The following PLCH2 variants were observed in gnomAD, a reference collection of about 807,000 sequenced individuals.
PLCH2 encodes phospholipase C eta 2, also known as 1-phosphatidylinositol 4,5-bisphosphate phosphodiesterase eta-2.
In PLCH2, 98 loss-of-function variants were observed where a neutral mutation model predicts 134.7. That is an observed-to-expected ratio of 0.73 (90% confidence interval 0.62 to 0.86). The LOEUF is 0.86. Ranked by LOEUF, PLCH2 falls within the 40% of genes least tolerant of loss-of-function variation. The pLI is 0.00. For synonymous variants in PLCH2, 974 were observed against 827.5 expected (o/e 1.18, Z -3.04); for missense variants, 1,994 against 1,986.6 (o/e 1.00, Z -0.07).
upstream of PLCH2, among the ~76,000 whole-genome samples, chr1:2,472,807 C>G (rs78762854): frequency 4.1e-4 from 63 of 152,264 alleles, no homozygotes; most frequent in Non-Finnish European, 8.4e-4. Context: ...CTGCCCGTCC[C>G]GTACACGCTC....
upstream of PLCH2, among the ~76,000 whole-genome samples, chr1:2,474,957 T>C (rs1641535427): frequency 6.6e-6 from 1 of 152,020 alleles, no homozygotes; most frequent in Non-Finnish European, 1.5e-5. Context: ...CTCCAGCCCC[T>C]CTCCTCTCCC....
chr1:2,484,409 G>T, intron 4 of PLCH2, 39 bp from the exon 5 acceptor site: 2 of 1,607,980 alleles, frequency 1.2e-6, no homozygotes, highest in South Asian at 2.2e-5. Flanking sequence ...GCAGGCCCTG[G>T]TCGAGGTGCC....
At chr1:2,469,725 C>T (rs976948688) in intron 1 of PLCH2, among the ~76,000 whole-genome samples, 14 of 152,150 alleles carry the variant, frequency 9.2e-5, no homozygotes, top group East Asian at 1.9e-4. Context: ...GCACTGCATA[C>T]GTGGGCTCCC....
intron 2 of PLCH2, among the ~76,000 whole-genome samples, chr1:2,436,221 GCCTCCTCCTTTCCTCCTTCCTC>G (rs1639347277): frequency 1.7e-5 from 1 of 57,360 alleles, no homozygotes; most frequent in Non-Finnish European, 3.2e-5. Flanking sequence ...CTTCCTTCCT[GCCTCCTCCTTTCCTCCTTCCTC>G]CCTCCTCCCC....
At chr1:2,501,993 C>G in intron 20 of PLCH2, 119 bp from the exon 21 acceptor site, 1 of 945,358 alleles carries the variant, frequency 1.1e-6, no homozygotes, top group Non-Finnish European at 1.5e-6. Flanking sequence ...TGGCCCAGCC[C>G]CTCGGACCGA....
chr1:2,495,079 C>T (rs1024570766), intron 12 of PLCH2, 131 bp downstream of exon 12: 37 of 667,802 alleles, frequency 5.5e-5, no homozygotes, highest in Non-Finnish European at 8.5e-5. Flanking sequence ...GGCCCTGCCC[C>T]AGCCAGAGCA....
chr1:2,499,797 C>T (rs1643116566), intron 20 of PLCH2, 77 bp downstream of exon 20: 1 of 1,157,518 alleles, frequency 8.6e-7, no homozygotes, highest in Admixed American at 2.0e-5. Flanking sequence ...CCCCATGTGT[C>T]CCCAGTGCTG....
intron 2 of PLCH2, among the ~76,000 whole-genome samples, chr1:2,457,948 C>T (rs887239609): frequency 5.3e-5 from 8 of 150,924 alleles, no homozygotes; most frequent in African/African-American, 2.0e-4. Context: ...GTCCACCGGG[C>T]GGGTGGTAGG....
upstream of PLCH2, among the ~76,000 whole-genome samples, chr1:2,423,444 A>G (rs1019265767): frequency 4.6e-5 from 7 of 152,298 alleles, no homozygotes; most frequent in Admixed American, 6.5e-5. Flanking sequence ...ACAGTAACCA[A>G]CCGATACACG....
rs1642496929 is a variant in PLCH2 at position 2,490,184 on chromosome 1, AGACT to A, written c.1515+318_1515+321del. 4.6e-5 allele frequency among the ~76,000 whole-genome samples: 7 copies of A among 152,210 alleles called. No individual in the cohort carries two copies. The South Asian group carries it at 1.4e-3, about 32-fold the overall frequency. ...AGCACTGGGGGCTGGGTCCCACGCC[AGACT>A]CCACCCCATTCCCACCAGCACCTGG... On this transcript the variant is annotated intron_variant, in intron 10 of 21. Coordinates refer to ENST00000378486, the MANE Select transcript of PLCH2 (RefSeq NM_014638.4).
At chr1:2,497,283 G>A (rs1216610524) in intron 15 of PLCH2, among the ~76,000 whole-genome samples, 2 of 152,274 alleles carry the variant, frequency 1.3e-5, no homozygotes, top group South Asian at 2.1e-4. Flanking sequence ...CTGCCTGCGA[G>A]GCTGGCTGCG....
At position 2,504,555 on chromosome 1, in the gene PLCH2, C is replaced by T. The variant is rs1349638271; in HGVS notation, c.3593C>T (p.Thr1198Ile). 2 of 1,612,718 alleles carry T rather than the reference C, an allele frequency of 1.2e-6. No individual in the cohort carries two copies. The highest frequency in any genetic ancestry group is 1.1e-5 in the South Asian group (1 of 91,086). The change falls in exon 22 of 22, where the codon ACC becomes ATC. Residue 1198 changes from threonine (T) to isoleucine (I), a missense_variant. Thr to Ile is a moderately conservative substitution (Grantham distance 89). This residue lies in a region of PLCH2 where 900 missense variants were observed against 752.3 expected (regional missense o/e 1.20). Coordinates refer to ENST00000378486, the MANE Select transcript of PLCH2 (RefSeq NM_014638.4). Reference protein sequence around the residue: ...SAARPDLPPVTKSKSNPNLRA... With the variant: ...SAARPDLPPVIKSKSNPNLRA... ...GCCCGCCCAGACCTGCCACCTGTGACCAAGAGCAAATCCAACCCCAACCTT... is the reference window on the plus strand; with the variant it reads ...GCCCGCCCAGACCTGCCACCTGTGATCAAGAGCAAATCCAACCCCAACCTT...
chr1:2,421,419 A>T (rs1162458966), upstream of PLCH2, among the ~76,000 whole-genome samples: 2 of 152,262 alleles, frequency 1.3e-5, no homozygotes, highest in Admixed American at 6.5e-5. Context: ...TAAAGTAATT[A>T]AATTATGTAA....
intron 8 of PLCH2, among the ~76,000 whole-genome samples, chr1:2,488,114 G>C (rs563203912): frequency 1.3e-5 from 2 of 152,246 alleles, no homozygotes; most frequent in Admixed American, 6.5e-5. Flanking sequence ...CCGCCTCCCC[G>C]TGTGGTTTGA....
rs77985074 is a variant in PLCH2 at position 2,444,831 on chromosome 1, G to A, written c.115+14202G>A. On this transcript the variant is annotated intron_variant, in intron 2 of 3. Transcript: ENST00000609981. This position sits in a 1 kb window ranked among gnomAD's most constrained non-coding sequence, Gnocchi z 4.6. ...CGGTGTCCCCTTCGTCCCCTGACAC[G>A]TTGGTCTGGGGAGGCGGGGTCACGG... 0.023 allele frequency among the ~76,000 whole-genome samples: 3,497 copies of A among 152,078 alleles called. 132 individuals carry two copies. The highest frequency in any genetic ancestry group is 0.079 in the African/African-American group (3,294 of 41,434).
At chr1:2,420,298 C>T in the PLCH2 span, among the ~76,000 whole-genome samples, 4 of 152,206 alleles carry the variant, frequency 2.6e-5, no homozygotes, top group Non-Finnish European at 5.9e-5. Flanking sequence ...ATTCCACTTT[C>T]AGCCCCCTGC....
upstream of PLCH2, among the ~76,000 whole-genome samples, chr1:2,475,884 GCTT>G (rs2100637898): frequency 6.6e-6 from 1 of 151,802 alleles, no homozygotes; most frequent in East Asian, 2.0e-4. Context: ...GATGAGGTGA[GCTT>G]CTGCCCCTGC....
At chr1:2,419,714 C>T in the PLCH2 span, among the ~76,000 whole-genome samples, 3 of 152,088 alleles carry the variant, frequency 2.0e-5, no homozygotes, top group African/African-American at 4.8e-5. Context: ...TTTGAGGAGG[C>T]GCTGCTGGCT....
chr1:2,494,493 G>A (rs1276787708), intron 11 of PLCH2: 3 of 364,748 alleles, frequency 8.2e-6, no homozygotes, highest in Admixed American at 8.5e-5. Flanking sequence ...AGTATTCCAG[G>A]CACACAAACG....
Sources: allele counts gnomAD v4.1 joint callset (sites outside exome capture counted in the v4.1 genomes callset), GRCh38; gene constraint gnomAD v4.1.1; regional missense constraint gnomAD v4.1.1; non-coding constraint Gnocchi (gnomAD v3.1); transcripts MANE v1.5; gene names NCBI Gene and HGNC (gene_info 2026-07-23, HGNC 2026-07-21).